The following KDELR3 variants were observed in gnomAD, a reference collection of about 807,000 sequenced individuals.
KDELR3 encodes the protein ER lumen protein-retaining receptor 3.
Under a neutral mutation model 22.7 loss-of-function variants are expected in KDELR3, and 26 were observed. The observed-to-expected ratio is 1.15, with a 90% CI of 0.84 to 1.59. The LOEUF is 1.59. KDELR3 is among the 40% of genes most tolerant of loss of function. The probability of loss-of-function intolerance (pLI) is 0.00; values close to 1 mark genes in which losing one functional copy is unlikely to be tolerated. For synonymous variants in KDELR3, 120 were observed against 98.2 expected, an observed-to-expected ratio of 1.22 and a Z score of -1.31; for missense variants, 289 against 251.1, an observed-to-expected ratio of 1.15 and a Z score of -1.02.
intron 3 of KDELR3, 58 bp from the exon 4 acceptor site, chr22:38,481,146 ATGTTCTTT>A: frequency 7.3e-7 from 1 of 1,370,388 alleles, no homozygotes. Flanking sequence ...TTTAGTAATT[ATGTTCTTT>A]TAAGATGGGC....
intron 1 of KDELR3, among the ~76,000 whole-genome samples, chr22:38,468,947 G>A (rs540199234): frequency 3.3e-5 from 5 of 152,356 alleles, no homozygotes; most frequent in Admixed American, 6.5e-5. Context: ...ACTCGCGGTC[G>A]CCAACAGATC....
chr22:38,481,350 G>T lies in KDELR3; in HGVS notation c.490G>T (p.Ala164Ser), dbSNP rs931959050. Reference protein sequence around the residue: ...FLGLYRALYLANWIRRYQTEN... With the variant: ...FLGLYRALYLSNWIRRYQTEN... The stretch of plus-strand genomic sequence containing the variant: ...GGGTCTGTACCGGGCACTCTACCTG[G>T]CTAACTGGATCAGGCGGTACCAGAC... Residue 164 changes from alanine to serine, a missense_variant, in exon 4 of 5, where the codon GCT becomes TCT. Coordinates refer to ENST00000216014, the MANE Select transcript of KDELR3 (RefSeq NM_006855.4). 1 of 1,614,138 alleles carries T rather than the reference G, an allele frequency of 6.2e-7. No homozygotes were observed. Among genetic ancestry groups the T allele is most frequent in the Admixed American group, 1.7e-5 (1 of 60,016 alleles).
intron 2 of KDELR3, among the ~76,000 whole-genome samples, chr22:38,478,985 C>T (rs946018123): frequency 6.6e-6 from 1 of 151,862 alleles, no homozygotes; most frequent in African/African-American, 2.4e-5. Context: ...AAGTGCTGGC[C>T]TGGAAGGTTG....
At chr22:38,469,529 C>T (rs1046646928) in intron 1 of KDELR3, among the ~76,000 whole-genome samples, 9 of 152,116 alleles carry the variant, frequency 5.9e-5, no homozygotes, top group African/African-American at 1.7e-4. Flanking sequence ...GCCTGGAGGC[C>T]ATTTGGGTTT....
intron 3 of KDELR3, among the ~76,000 whole-genome samples, chr22:38,480,268 CAAGT>C (rs1238778466): frequency 1.3e-5 from 2 of 152,030 alleles, no homozygotes; most frequent in Non-Finnish European, 2.9e-5. Flanking sequence ...CTCAGCTTCC[CAAGT>C]AACTGGGATT....
In KDELR3 at chr22:38,468,244, T is replaced by C; in HGVS notation, c.11T>C (p.Phe4Ser). 2 of 1,613,778 alleles carry C rather than the reference T, an allele frequency of 1.2e-6. No individual in the cohort carries two copies. The highest frequency in any genetic ancestry group is 1.7e-6 in the Non-Finnish European group (2 of 1,179,930). Reference sequence around the variant, plus strand: ...CTGACTGGCTGGACCATGAACGTGTTCCGAATCCTCGGCGACCTGAGCCAC... The same window carrying C: ...CTGACTGGCTGGACCATGAACGTGTCCCGAATCCTCGGCGACCTGAGCCAC... The part of the protein sequence containing the change: MNV[F>S]RILGDLSHLL... Residue 4 changes from phenylalanine (F) to serine (S), a missense_variant, in exon 1 of 5, where the codon TTC becomes TCC. By Grantham distance (155) the Phe-to-Ser change is radical (BLOSUM62 -2). Transcript: ENST00000216014.
chr22:38,471,398 C>A (rs963309408), intron 1 of KDELR3, among the ~76,000 whole-genome samples: 1 of 152,180 alleles, frequency 6.6e-6, no homozygotes, highest in African/African-American at 2.4e-5. Flanking sequence ...CCAGAGCTGG[C>A]CTCAGGTCAG....
chr22:38,471,460 C>T (rs1377724281), intron 1 of KDELR3, among the ~76,000 whole-genome samples: 1 of 152,204 alleles, frequency 6.6e-6, no homozygotes, highest in Non-Finnish European at 1.5e-5. Context: ...CACTGTTGCC[C>T]TCACCCCGGC....
At chr22:38,469,920 A>G (rs1275908998) in intron 1 of KDELR3, among the ~76,000 whole-genome samples, 1 of 152,086 alleles carries the variant, frequency 6.6e-6, no homozygotes, top group Non-Finnish European at 1.5e-5. Flanking sequence ...CCCAGGTTCA[A>G]GCGATTCTCC....
intron 2 of KDELR3, among the ~76,000 whole-genome samples, chr22:38,478,792 G>GC (rs55949445): frequency 1 from 150,831 of 151,016 alleles, 75,323 homozygotes; most frequent in Middle Eastern, 1. Flanking sequence ...ACAGGCGCCC[G>GC]CATGCATGCC....
chr22:38,479,494 G>T, intron 2 of KDELR3, 99 bp from the exon 3 acceptor site: 2 of 1,116,174 alleles, frequency 1.8e-6, no homozygotes, highest in Admixed American at 2.0e-5. Context: ...TTACATTATG[G>T]CAGAACACTG....
intron 1 of KDELR3, 43 bp downstream of exon 1, chr22:38,468,367 C>A: frequency 6.3e-7 from 1 of 1,576,292 alleles, no homozygotes; most frequent in Non-Finnish European, 8.7e-7. Flanking sequence ...CCCTCTCTGG[C>A]CAGCCTCATG....
In KDELR3 at chr22:38,482,490, T is replaced by TTCCAGTCCTTAAGGGAAAGAAG; in HGVS notation, c.605-4_622dup. Reference sequence around the variant, plus strand: ...AAATTCTTATTTCATCTCCATTTTCTTCCAGTCCTTAAGGGAAAGAAGTTA... The same window carrying TTCCAGTCCTTAAGGGAAAGAAG: ...AAATTCTTATTTCATCTCCATTTTCTTCCAGTCCTTAAGGGAAAGAAGTCCAGTCCTTAAGGGAAAGAAGTTA... On this transcript the variant is annotated splice_polypyrimidine_tract_variant and splice_region_variant and intron_variant, in intron 4 of 4. Coordinates refer to ENST00000216014, the MANE Select transcript of KDELR3 (RefSeq NM_006855.4). The TTCCAGTCCTTAAGGGAAAGAAG allele has an allele frequency of 6.2e-7, 1 of 1,609,600 alleles. No individual in the cohort carries two copies. The highest frequency in any genetic ancestry group is 8.5e-7 in the Non-Finnish European group (1 of 1,175,888).
chr22:38,476,660 G>T (rs1466077303), intron 2 of KDELR3, among the ~76,000 whole-genome samples: 1 of 151,946 alleles, frequency 6.6e-6, no homozygotes, highest in Non-Finnish European at 1.5e-5. Flanking sequence ...GAGTAGCTGG[G>T]ATTACAGGCA....
In KDELR3 at chr22:38,468,175, C is replaced by T; in HGVS notation, c.-59C>T. ...GCCGGAGACGTGGCAGCCGCCCTGC[C>T]CGCCAGAAAGTTTCCTAGAAGTTTG... On this transcript the variant is annotated 5_prime_UTR_variant, in exon 1 of 5. Coordinates refer to ENST00000216014, the MANE Select transcript of KDELR3 (RefSeq NM_006855.4). 1 of 1,521,724 alleles carries T rather than the reference C, an allele frequency of 6.6e-7. No homozygotes were observed. The highest frequency in any genetic ancestry group is 9.1e-7 in the Non-Finnish European group (1 of 1,101,210). The allele number at this position is 1,521,724 out of a possible 1,614,324, so 94.3% of individuals were successfully genotyped here.
At position 38,473,151 on chromosome 22, in the gene KDELR3, G is replaced by A. The variant is rs553155023; in HGVS notation, c.92-1372G>A. Among the ~76,000 whole-genome samples the A allele has an allele frequency of 1.4e-4, 21 of 152,290 alleles. No homozygotes were observed. In the South Asian group the frequency reaches 3.7e-3, roughly 27 times the overall value. On this transcript the variant is annotated intron_variant, in intron 1 of 4. Transcript: ENST00000216014. ...TCAAGAAACAGCATTTAGACTGGGCGCGGTGGCTCACGCCTATAATCCCAA... is the reference window on the plus strand; with the variant it reads ...TCAAGAAACAGCATTTAGACTGGGCACGGTGGCTCACGCCTATAATCCCAA...
chr22:38,476,531 TTTG>T (rs1172947447), intron 2 of KDELR3, among the ~76,000 whole-genome samples: 3 of 151,308 alleles, frequency 2.0e-5, no homozygotes, highest in African/African-American at 4.9e-5. Context: ...AGTCTTCTTT[TTTG>T]TTGTTGTTGA....
chr22:38,473,786 C>A (rs928012027), intron 1 of KDELR3, among the ~76,000 whole-genome samples: 1 of 152,088 alleles, frequency 6.6e-6, no homozygotes, highest in Non-Finnish European at 1.5e-5. Flanking sequence ...CAGCCATGAC[C>A]AACCTGGCGA....
rs761314164 is a variant in KDELR3 at position 38,481,402 on chromosome 22, T to C, written c.542T>C (p.Val181Ala). ...GAGAATTTCTATGACCAAATTGCAG[T>C]CGTGTCTGGAGTAGTACAAACCATC... is the stretch of plus-strand genomic sequence containing the variant. ...QTENFYDQIA[V>A]VSGVVQTIFY... Residue 181 changes from valine to alanine, a missense_variant, in exon 4 of 5, where the codon GTC (valine) becomes GCC (alanine). Transcript: ENST00000216014. The C allele has an allele frequency of 2.5e-6, 4 of 1,614,228 alleles. No homozygotes were observed. The South Asian group carries it at 4.4e-5, about 18-fold the overall frequency.
Sources: gnomAD v4.1 joint callset for allele counts (sites outside exome capture counted in the v4.1 genomes callset) on GRCh38, gnomAD v4.1.1 for gene constraint, MANE v1.5 for transcripts, NCBI Gene and HGNC (gene_info 2026-07-23, HGNC 2026-07-21) for gene names.